Variants in POLA1 observed in about 807,000 individuals in gnomAD.
POLA1 encodes DNA polymerase alpha catalytic subunit.
POLA1 carries 15 observed loss-of-function variants against 124.0 expected under a neutral mutation model. The ratio of observed to expected loss-of-function variants is 0.12; its 90% CI spans 0.08 to 0.19. The LOEUF (loss-of-function observed/expected upper bound fraction) is 0.19. Ranked by LOEUF, POLA1 falls within the 10% of genes least tolerant of loss-of-function variation. The pLI is 1.00. For synonymous variants in POLA1, 408 were observed against 389.4 expected (o/e 1.05, Z -0.56); for missense variants, 886 against 1,103.4 (o/e 0.80, Z 2.79).
At chrX:24,775,794 CAG>C (rs1276263142) in intron 26 of POLA1, among the ~76,000 whole-genome samples, 1 of 111,585 alleles carries the variant, frequency 9.0e-6, no homozygotes, top group Non-Finnish European at 1.9e-5. Context: ...ATTGAAACAA[CAG>C]AGGTAGATGA....
Position 24,727,895 on chromosome X carries a change from A to G in POLA1, c.1645A>G (p.Ser549Gly), listed in dbSNP as rs780922358. The G allele has an allele frequency of 1.7e-6, 2 of 1,210,583 alleles. No homozygotes were observed. Among genetic ancestry groups the G allele is most frequent in the African/African-American group, 3.5e-5 (2 of 57,907 alleles). ...ACCACCGCTTGTCGTGATGGCTTTC[A>G]GCATGAAGACAATGCAGAATGCAAA... The part of the protein sequence containing the change: ...SPPPLVVMAF[S>G]MKTMQNAKNH... Residue 549 changes from serine (S) to glycine (G), a missense_variant, in exon 15 of 37, where the codon AGC becomes GGC. This residue lies in a region of POLA1 where 337 missense variants were observed against 402.8 expected (regional missense o/e 0.84). Transcript: ENST00000379068.
At chrX:24,873,317 T>G (rs1490526129) in intron 34 of POLA1, among the ~76,000 whole-genome samples, 1 of 112,015 alleles carries the variant, frequency 8.9e-6, no homozygotes, top group East Asian at 2.8e-4. Flanking sequence ...TCATCAAGAT[T>G]GTAAATGAAC....
chrX:24,767,899 T>G (rs1430905875), intron 26 of POLA1, among the ~76,000 whole-genome samples: 2 of 112,205 alleles, frequency 1.8e-5, no homozygotes, highest in African/African-American at 6.5e-5. Flanking sequence ...TTTTATGTCA[T>G]TATTTTATTT....
intron 26 of POLA1, among the ~76,000 whole-genome samples, chrX:24,753,092 A>G (rs1270133910): frequency 9.3e-6 from 1 of 107,349 alleles, no homozygotes; most frequent in Non-Finnish European, 1.9e-5. Context: ...GCTCACTGCA[A>G]GCTCCGCCTC....
intron 36 of POLA1, among the ~76,000 whole-genome samples, chrX:24,944,953 G>C (rs56914570): frequency 5.4e-5 from 6 of 111,911 alleles, no homozygotes; most frequent in Admixed American, 3.8e-4. Flanking sequence ...TGAACACCAA[G>C]GGCATTGGCC....
At chrX:24,903,968 C>A (rs1432111786) in intron 35 of POLA1, among the ~76,000 whole-genome samples, 1 of 98,219 alleles carries the variant, frequency 1.0e-5, no homozygotes, top group Non-Finnish European at 2.0e-5. Flanking sequence ...CCGGTTCTTA[C>A]TCTGTCAACC....
chrX:24,712,406 T>G (rs1452077079), intron 4 of POLA1, among the ~76,000 whole-genome samples: 1 of 112,399 alleles, frequency 8.9e-6, no homozygotes, highest in Non-Finnish European at 1.9e-5. Flanking sequence ...TTCTTTTACA[T>G]ATGAAATTGA....
At chrX:24,985,952 A>C (rs1432655256) in intron 36 of POLA1, among the ~76,000 whole-genome samples, 2 of 111,413 alleles carry the variant, frequency 1.8e-5, no homozygotes, top group African/African-American at 6.5e-5. Flanking sequence ...TGGGCAGATC[A>C]CCTGAGGTCA....
chrX:24,710,429 TCATGTTTTCAAGTAG>T (rs1460820365), intron 4 of POLA1, among the ~76,000 whole-genome samples: 2 of 111,968 alleles, frequency 1.8e-5, no homozygotes, highest in African/African-American at 6.5e-5. Flanking sequence ...TTTTCAAGTA[TCATGTTTTCAAGTAG>T]CATGTATCAG....
chrX:24,751,071 G>C (rs936867049), intron 26 of POLA1, among the ~76,000 whole-genome samples: 1 of 111,932 alleles, frequency 8.9e-6, no homozygotes, highest in African/African-American at 3.2e-5. Flanking sequence ...TGCCCCAACT[G>C]GGTGATAATA....
chrX:24,970,913 C>T (rs2048294139), intron 36 of POLA1, among the ~76,000 whole-genome samples: 1 of 112,099 alleles, frequency 8.9e-6, no homozygotes, highest in African/African-American at 3.2e-5. Context: ...GCCCATGGAA[C>T]AGGGTCAAAA....
rs754375965 is a variant in POLA1 at position 24,698,099 on chromosome X, A to C, written c.44-1326A>C. 1.7e-3 allele frequency among the ~76,000 whole-genome samples: 182 copies of C among 109,840 alleles called. 2 individuals are homozygous for C. Among genetic ancestry groups the C allele is most frequent in the Non-Finnish European group, 3.1e-3 (161 of 52,650 alleles). On this transcript the variant is annotated intron_variant, in intron 1 of 36. Transcript: ENST00000379068. ...TGGGATTACAGGTGCCTGCCATCACACCCAGCTAATTTTTGTATTTTTAGT... is the reference window on the plus strand; with the variant it reads ...TGGGATTACAGGTGCCTGCCATCACCCCCAGCTAATTTTTGTATTTTTAGT...
intron 32 of POLA1, 123 bp from the exon 33 acceptor site, chrX:24,841,529 C>A: frequency 2.5e-6 from 1 of 397,640 alleles, no homozygotes; most frequent in Non-Finnish European, 4.2e-6. Context: ...TGTCCATGTG[C>A]TTTTGAGTTC....
chrX:24,866,372 T>G (rs1278015776), intron 34 of POLA1, among the ~76,000 whole-genome samples: 1 of 112,060 alleles, frequency 8.9e-6, no homozygotes, highest in Non-Finnish European at 1.9e-5. Context: ...CCTTTTTAAT[T>G]GAATGTCCAA....
At chrX:24,720,105 CTG>C (rs1249454180) in intron 10 of POLA1, among the ~76,000 whole-genome samples, 2 of 111,824 alleles carry the variant, frequency 1.8e-5, no homozygotes, top group African/African-American at 6.5e-5. Flanking sequence ...AAATAATTCT[CTG>C]TATGTACTTT....
At chrX:24,811,510 G>A (rs1166533710) in intron 28 of POLA1, among the ~76,000 whole-genome samples, 1 of 109,316 alleles carries the variant, frequency 9.1e-6, no homozygotes, top group Non-Finnish European at 1.9e-5. Flanking sequence ...GGATGGTCTT[G>A]ATCTTCTGAC....
Position 24,801,924 on chromosome X carries a change from G to GGGGTGT in POLA1, c.2965-7973_2965-7972insGGTGTG, listed in dbSNP as rs759368851. On this transcript the variant is annotated intron_variant, in intron 26 of 36. Transcript: ENST00000379068. ...ACAGAGCCACTAGGAGAGGTGGGTG[G>GGGGTGT]GTGTGTGTGTGTGTGTGTGTGTGTG... Among the ~76,000 whole-genome samples the GGGGTGT allele has an allele frequency of 1.3e-3, 94 of 74,543 alleles. 2 individuals carry two copies. The highest frequency in any genetic ancestry group is 2.7e-3 in the South Asian group (3 of 1,113). 64.7% of individuals were successfully genotyped at this position (74,543 alleles called of 115,157 possible).
At chrX:24,716,850 G>A (rs750861258) in intron 7 of POLA1, 34 bp from the exon 8 acceptor site, 3 of 908,182 alleles carry the variant, frequency 3.3e-6, no homozygotes, top group Non-Finnish European at 4.8e-6. Context: ...TAGTATGTAG[G>A]TCTAACTGAC....
chrX:24,934,753 C>T (rs1326524865), intron 36 of POLA1, among the ~76,000 whole-genome samples: 8 of 111,915 alleles, frequency 7.1e-5, no homozygotes. Context: ...GACGGAGTCT[C>T]GCTCTGTCAC....
Sources: allele counts gnomAD v4.1 joint callset (sites outside exome capture counted in the v4.1 genomes callset), GRCh38; gene constraint gnomAD v4.1.1; regional missense constraint gnomAD v4.1.1; transcripts MANE v1.5; gene names NCBI Gene and HGNC (gene_info 2026-07-23, HGNC 2026-07-21).